The following FMN2 variants were observed in gnomAD, a reference collection of about 807,000 sequenced individuals.
FMN2 encodes formin-2.
In FMN2, 51 loss-of-function variants were observed where a neutral mutation model predicts 142.3. That is an observed-to-expected ratio of 0.36 (90% CI 0.29 to 0.45). FMN2 has a LOEUF of 0.45. Ranked by LOEUF, FMN2 falls within the 20% of genes least tolerant of loss-of-function variation. The probability of loss-of-function intolerance (pLI) is 1.00; values close to 1 mark genes in which losing one functional copy is unlikely to be tolerated. For missense variants in FMN2, 1,936 were observed against 2,122.8 expected, an observed-to-expected ratio of 0.91 and a Z score of 1.73; for synonymous variants, 882 against 869.8, an observed-to-expected ratio of 1.01 and a Z score of -0.25.
chr1:240,176,184 T>G (rs1664904610), intron 2 of FMN2, among the ~76,000 whole-genome samples: 2 of 152,252 alleles, frequency 1.3e-5, no homozygotes, highest in South Asian at 4.1e-4. Context: ...TTTTGTAGTT[T>G]TAGGTCTTAT....
At chr1:240,461,440 G>C (rs57551449) in intron 16 of FMN2, among the ~76,000 whole-genome samples, 1 of 152,116 alleles carries the variant, frequency 6.6e-6, no homozygotes. Flanking sequence ...GCCAGGTGCC[G>C]TGCTGGGCAT....
intron 6 of FMN2, 103 bp downstream of exon 6, chr1:240,211,338 CA>C: frequency 8.8e-7 from 1 of 1,132,094 alleles, no homozygotes; most frequent in South Asian, 1.4e-5. Flanking sequence ...TGTAAACCTC[CA>C]TGGATCTTAG....
rs115212186 is a variant in FMN2, at chr1:240,098,933, A to C, written c.1615+5209A>C. Among the ~76,000 whole-genome samples the C allele has an allele frequency of 8.1e-3, 1,235 of 152,308 alleles. 16 individuals are homozygous for C. The highest frequency in any genetic ancestry group is 0.028 in the African/African-American group (1,145 of 41,560). On this transcript the variant is annotated intron_variant, in intron 1 of 17. Transcript: ENST00000319653. ...TGATTCTTCTGAAAAGATACAGAAA[A>C]TATACAGTTGGATGAAGGTAGCAGT...
chr1:240,453,707 G>GAACACATAGAAGGTAAAAGTCACT (rs1572331912), intron 16 of FMN2, among the ~76,000 whole-genome samples: 9 of 77,486 alleles, frequency 1.2e-4, no homozygotes, highest in South Asian at 3.7e-4. Context: ...GGAAGGCATA[G>GAACACATAGAAGGTAAAAGTCACT]GGCCGGGCGC....
intron 4 of FMN2, among the ~76,000 whole-genome samples, chr1:240,202,974 A>G (rs1666185874): frequency 6.6e-6 from 1 of 152,208 alleles, no homozygotes; most frequent in South Asian, 2.1e-4. Flanking sequence ...ATGAAAAAAG[A>G]AAACCCTAGT....
rs556338960 is a variant in FMN2 at position 240,164,553 on chromosome 1, G to C, written c.1783-13368G>C. On this transcript the variant is annotated intron_variant, in intron 2 of 17. Coordinates refer to ENST00000319653, the MANE Select transcript of FMN2 (RefSeq NM_020066.5). ...AGCCTGCTAGGTGACAAATTCTTTA[G>C]TGTTTTTGGTCTTAAAATAGGTTTC... is the stretch of plus-strand genomic sequence containing the variant. 9.2e-5 allele frequency among the ~76,000 whole-genome samples: 14 copies of C among 152,152 alleles called. No homozygotes were observed. The East Asian group carries it at 2.5e-3, about 27-fold the overall frequency.
At chr1:240,121,631 C>T (rs566679656) in intron 1 of FMN2, among the ~76,000 whole-genome samples, 4 of 149,718 alleles carry the variant, frequency 2.7e-5, no homozygotes, top group African/African-American at 7.4e-5. Flanking sequence ...CCTCGTGATC[C>T]GCCAGCCTCG....
At chr1:240,138,603 A>G (rs1663052594) in intron 2 of FMN2, among the ~76,000 whole-genome samples, 1 of 151,776 alleles carries the variant, frequency 6.6e-6, no homozygotes, top group Non-Finnish European at 1.5e-5. Context: ...GCTACTTGGG[A>G]GGCTGAGGCA....
chr1:240,145,880 C>T (rs537840311), intron 2 of FMN2, among the ~76,000 whole-genome samples: 2 of 152,106 alleles, frequency 1.3e-5, no homozygotes, highest in South Asian at 4.1e-4. Flanking sequence ...AGAAATCTTG[C>T]ATTATGTGTG....
intron 6 of FMN2, among the ~76,000 whole-genome samples, chr1:240,211,713 GGAAGA>G (rs1318191371): frequency 1.3e-5 from 2 of 152,148 alleles, no homozygotes; most frequent in African/African-American, 4.8e-5. Context: ...CTTGAAATGT[GGAAGA>G]GAAATCTTGT....
At chr1:240,219,769 C>T (rs957955186) in intron 6 of FMN2, among the ~76,000 whole-genome samples, 1 of 152,018 alleles carries the variant, frequency 6.6e-6, no homozygotes, top group Non-Finnish European at 1.5e-5. Context: ...ATCCTCTCAC[C>T]TCAGCCTCCC....
rs546535429 is a variant in FMN2, at chr1:240,093,439, A to G, written c.1330A>G (p.Lys444Glu). 8.7e-6 allele frequency: 14 copies of G among 1,613,666 alleles called. No homozygotes were observed. Among genetic ancestry groups the G allele is most frequent in the South Asian group, 4.4e-5 (4 of 91,058 alleles). Residue 444 changes from lysine (K) to glutamate (E), a missense_variant, in exon 1 of 18, where the codon AAG (lysine) becomes GAG (glutamate). This residue lies in a region of FMN2 where 751 missense variants were observed against 791.8 expected (regional missense o/e 0.95). Coordinates refer to ENST00000319653, the MANE Select transcript of FMN2 (RefSeq NM_020066.5). ...SQSPNQSPRIKRRPEPSLSRG... is the reference protein window; with the variant it reads ...SQSPNQSPRIERRPEPSLSRG... ...GTCCCCTAATCAGAGCCCCAGGATC[A>G]AGAGGCGGCCGGAACCCTCCCTGAG... is the stretch of plus-strand genomic sequence containing the variant.
chr1:240,125,020 C>G (rs541299332), intron 2 of FMN2, among the ~76,000 whole-genome samples: 1 of 152,302 alleles, frequency 6.6e-6, no homozygotes, highest in Admixed American at 6.5e-5. Flanking sequence ...CAACAGTGCT[C>G]TCTTATCAGC....
chr1:240,127,338 C>T (rs1662554406), intron 2 of FMN2, among the ~76,000 whole-genome samples: 1 of 150,962 alleles, frequency 6.6e-6, no homozygotes, highest in Non-Finnish European at 1.5e-5. Context: ...TCTCAAAGTG[C>T]TAGGATTACA....
intron 7 of FMN2, among the ~76,000 whole-genome samples, chr1:240,260,275 G>T (rs113707124): frequency 2.5e-4 from 38 of 152,208 alleles, no homozygotes; most frequent in African/African-American, 8.9e-4. Flanking sequence ...TCCAGTAGTG[G>T]GATTGCTGGA....
intron 2 of FMN2, among the ~76,000 whole-genome samples, chr1:240,159,935 G>C (rs71535325): frequency 1.5e-5 from 1 of 65,550 alleles, no homozygotes; most frequent in South Asian, 8.1e-4. Context: ...ATATATATTT[G>C]TGTATATATA....
chr1:240,317,549 C>T (rs1192685056), intron 8 of FMN2, among the ~76,000 whole-genome samples: 4 of 151,992 alleles, frequency 2.6e-5, no homozygotes, highest in African/African-American at 9.7e-5. Flanking sequence ...CCATGAGATC[C>T]ACTCAAGTGT....
At chr1:240,280,435 A>T (rs1669357583) in intron 7 of FMN2, among the ~76,000 whole-genome samples, 1 of 152,172 alleles carries the variant, frequency 6.6e-6, no homozygotes, top group Admixed American at 6.5e-5. Flanking sequence ...TTCTGGACTT[A>T]TGGAGCAATA....
intron 6 of FMN2, among the ~76,000 whole-genome samples, chr1:240,222,664 T>G (rs985489369): frequency 4.6e-5 from 7 of 152,204 alleles, no homozygotes; most frequent in African/African-American, 1.7e-4. Context: ...CTCTCTTGTT[T>G]CCTTGAGCAG....
Sources: allele counts gnomAD v4.1 joint callset (sites outside exome capture counted in the v4.1 genomes callset), GRCh38; gene constraint gnomAD v4.1.1; regional missense constraint gnomAD v4.1.1; transcripts MANE v1.5; gene names NCBI Gene and HGNC (gene_info 2026-07-23, HGNC 2026-07-21).